The following COL25A1 variants were observed in gnomAD, a reference collection of about 807,000 sequenced individuals.
COL25A1 encodes collagen alpha-1(XXV) chain.
In COL25A1, 103 loss-of-function variants were observed where a neutral mutation model predicts 128.4. That is an observed-to-expected ratio of 0.80 (90% CI 0.68 to 0.94). The LOEUF (loss-of-function observed/expected upper bound fraction) is 0.94. COL25A1 is among the 40% of genes least tolerant of loss of function. COL25A1 has a pLI of 0.00. For synonymous variants in COL25A1, 279 were observed against 277.2 expected, an observed-to-expected ratio of 1.01 and a Z score of -0.06; for missense variants, 745 against 840.0, an observed-to-expected ratio of 0.89 and a Z score of 1.40.
chr4:108,895,797 T>G (rs528433459), intron 16 of COL25A1, among the ~76,000 whole-genome samples: 139 of 152,106 alleles, frequency 9.1e-4, no homozygotes, highest in Non-Finnish European at 9.4e-4. Flanking sequence ...AGTGGCGAGT[T>G]CCGAGATTTT....
intron 3 of COL25A1, among the ~76,000 whole-genome samples, chr4:109,050,895 T>G (rs1405460322): frequency 2.0e-5 from 3 of 151,928 alleles, no homozygotes; most frequent in African/African-American, 4.8e-5. Context: ...TTTTTTTTTT[T>G]GGTAAGTTAC....
At chr4:109,276,034 T>C (rs142785448) in intron 3 of COL25A1, among the ~76,000 whole-genome samples, 7 of 152,204 alleles carry the variant, frequency 4.6e-5, no homozygotes, top group Admixed American at 2.6e-4. Flanking sequence ...TTCTCCTCCA[T>C]ATATACTGCT....
chr4:109,180,283 T>C (rs1388347835), intron 3 of COL25A1, among the ~76,000 whole-genome samples: 1 of 152,172 alleles, frequency 6.6e-6, no homozygotes, highest in Non-Finnish European at 1.5e-5. Context: ...ATTACTGAAA[T>C]AATTTTGACT....
At chr4:109,290,419 T>C (rs751497107) in intron 3 of COL25A1, among the ~76,000 whole-genome samples, 39 of 152,110 alleles carry the variant, frequency 2.6e-4, no homozygotes, top group African/African-American at 8.7e-4. Flanking sequence ...GAGGAAATTA[T>C]ATGCAAGTAC....
At chr4:108,986,213 T>C (rs995133624) in intron 6 of COL25A1, among the ~76,000 whole-genome samples, 1 of 152,180 alleles carries the variant, frequency 6.6e-6, no homozygotes, top group African/African-American at 2.4e-5. Flanking sequence ...TTTGTCAGAT[T>C]AATTTTTCTA....
At chr4:108,851,497 GA>G (rs1238812781) in intron 26 of COL25A1, among the ~76,000 whole-genome samples, 1 of 152,084 alleles carries the variant, frequency 6.6e-6, no homozygotes, top group Non-Finnish European at 1.5e-5. Context: ...AACAAAAGAT[GA>G]ATTCTGAAAT....
In COL25A1 at chr4:109,300,568, TA is replaced by T. The variant is rs748990461; in HGVS notation, c.367+14del. 3 of 1,576,298 alleles carry T rather than the reference TA, an allele frequency of 1.9e-6. No homozygotes were observed. In the African/African-American group the frequency reaches 4.0e-5, roughly 21 times the overall value. ...CTGCTCTGGAGGAAACCTTGTTAAA[TA>T]AGTTCCATTTTACCTGCTGGGCAGT... On this transcript the variant is annotated intron_variant, in intron 3 of 37. Coordinates refer to ENST00000399132, the MANE Select transcript of COL25A1 (RefSeq NM_198721.4).
At chr4:108,907,472 A>C (rs1030182400) in intron 13 of COL25A1, among the ~76,000 whole-genome samples, 2 of 152,176 alleles carry the variant, frequency 1.3e-5, no homozygotes, top group Non-Finnish European at 2.9e-5. Context: ...AGTTCCCCAA[A>C]GACCCTCTCA....
chr4:109,017,809 G>A (rs909451320), intron 5 of COL25A1, among the ~76,000 whole-genome samples: 2 of 152,072 alleles, frequency 1.3e-5, no homozygotes, highest in Non-Finnish European at 1.5e-5. Flanking sequence ...AACTCTAAAA[G>A]GTACTACCTC....
intron 3 of COL25A1, among the ~76,000 whole-genome samples, chr4:109,223,897 C>T (rs1778597330): frequency 6.6e-6 from 1 of 151,948 alleles, no homozygotes; most frequent in Admixed American, 6.6e-5. Context: ...TACTGATATC[C>T]CTAAAGATTT....
Position 109,106,877 on chromosome 4 carries a change from C to T in COL25A1, c.368-56698G>A, listed in dbSNP as rs1176640514. On this transcript the variant is annotated intron_variant, in intron 3 of 37. Coordinates refer to ENST00000399132, the MANE Select transcript of COL25A1 (RefSeq NM_198721.4). ...TGACTTCCCAAGCTCAAGTGATCCTCCCACCTCAGCTTCCAGAGTAGCTGG... is the reference window on the plus strand; with the variant it reads ...TGACTTCCCAAGCTCAAGTGATCCTTCCACCTCAGCTTCCAGAGTAGCTGG... Among the ~76,000 whole-genome samples the T allele has an allele frequency of 3.3e-5, 5 of 152,260 alleles. No individual in the cohort carries two copies. In the East Asian group the frequency reaches 7.7e-4, roughly 24 times the overall value.
chr4:108,851,238 TAGAA>T (rs1735745385), intron 26 of COL25A1, among the ~76,000 whole-genome samples: 1 of 152,034 alleles, frequency 6.6e-6, no homozygotes, highest in Non-Finnish European at 1.5e-5. Flanking sequence ...GCTGGAGAAA[TAGAA>T]AGTTAAAAAT....
intron 27 of COL25A1, among the ~76,000 whole-genome samples, chr4:108,846,637 C>G (rs886510093): frequency 6.6e-6 from 1 of 152,166 alleles, no homozygotes; most frequent in Non-Finnish European, 1.5e-5. Flanking sequence ...TCTCTACCCA[C>G]TATACTCCCC....
chr4:108,927,788 C>A (rs1182504586), intron 11 of COL25A1, among the ~76,000 whole-genome samples: 1 of 152,090 alleles, frequency 6.6e-6, no homozygotes, highest in East Asian at 1.9e-4. Context: ...GCTATGACCT[C>A]TTTAAGGGAG....
chr4:108,891,334 C>G (rs1189611052), intron 16 of COL25A1, among the ~76,000 whole-genome samples: 1 of 152,096 alleles, frequency 6.6e-6, no homozygotes, highest in Non-Finnish European at 1.5e-5. Flanking sequence ...TGTAACTAAA[C>G]ATAAAAAACA....
intron 3 of COL25A1, among the ~76,000 whole-genome samples, chr4:109,160,750 G>A (rs1772495999): frequency 1.3e-5 from 2 of 152,124 alleles, no homozygotes; most frequent in Non-Finnish European, 2.9e-5. Context: ...TGACCTGCCG[G>A]CCTGACCTGT....
At chr4:109,171,924 G>C (rs1437029906) in intron 3 of COL25A1, among the ~76,000 whole-genome samples, 2 of 152,126 alleles carry the variant, frequency 1.3e-5, no homozygotes, top group Non-Finnish European at 2.9e-5. Context: ...AGAGAATATG[G>C]GTCTCTGTGC....
chr4:108,944,961 A>G (rs541673004), intron 8 of COL25A1, among the ~76,000 whole-genome samples: 129 of 152,282 alleles, frequency 8.5e-4, no homozygotes, highest in African/African-American at 2.9e-3. Context: ...TAGCAAAGTA[A>G]AAAGGGGACA....
In COL25A1 at chr4:109,153,309, A is replaced by G. The variant is rs10015438; in HGVS notation, c.368-103130T>C. On this transcript the variant is annotated intron_variant, in intron 3 of 37. Coordinates refer to ENST00000399132, the MANE Select transcript of COL25A1 (RefSeq NM_198721.4). Reference sequence around the variant, plus strand: ...CTGAGGCAGGAGAATCAAACCCGGGAGGCAGAGGTTGTGGTGAGCCAAGAC... The same window carrying G: ...CTGAGGCAGGAGAATCAAACCCGGGGGGCAGAGGTTGTGGTGAGCCAAGAC... 1.7e-3 allele frequency among the ~76,000 whole-genome samples: 255 copies of G among 148,380 alleles called. 4 individuals carry two copies. Among genetic ancestry groups the G allele is most frequent in the African/African-American group, 5.8e-3 (236 of 40,352 alleles).
Sources: gnomAD v4.1 joint callset for allele counts (sites outside exome capture counted in the v4.1 genomes callset) on GRCh38, gnomAD v4.1.1 for gene constraint, MANE v1.5 for transcripts, NCBI Gene and HGNC (gene_info 2026-07-23, HGNC 2026-07-21) for gene names.